Variants in RIMBP2 observed in about 807,000 individuals in gnomAD.
RIMBP2 encodes RIMS-binding protein 2.
In RIMBP2, 48 loss-of-function variants were observed where a neutral mutation model predicts 118.6. The ratio of observed to expected loss-of-function variants is 0.40; its 90% CI spans 0.32 to 0.51. RIMBP2 has a LOEUF of 0.51. Among genes scored for constraint, RIMBP2 ranks in the 20% least tolerant of loss-of-function variants. The pLI is 0.41. For synonymous variants in RIMBP2, 762 were observed against 742.9 expected (o/e 1.03, Z -0.42); for missense variants, 1,551 against 1,768.3 (o/e 0.88, Z 2.20).
chr12:130,697,669 G>A (rs1006941650), intron 1 of RIMBP2, among the ~76,000 whole-genome samples: 13 of 151,294 alleles, frequency 8.6e-5, no homozygotes, highest in Admixed American at 4.0e-4. Context: ...ACACAGAAGG[G>A]AAATTAGCCA....
chr12:130,536,427 AT>A, intron 2 of RIMBP2, among the ~76,000 whole-genome samples: 1 of 152,162 alleles, frequency 6.6e-6, no homozygotes. Flanking sequence ...GATTTTACAA[AT>A]CCCCCTCCGG....
At chr12:130,505,184 A>C (rs895512935) in intron 4 of RIMBP2, among the ~76,000 whole-genome samples, 1 of 152,174 alleles carries the variant, frequency 6.6e-6, no homozygotes, top group Non-Finnish European at 1.5e-5. Flanking sequence ...CACAGTGAGA[A>C]GCAGGATGGT....
At chr12:130,569,329 A>G (rs2057457981) in intron 2 of RIMBP2, among the ~76,000 whole-genome samples, 1 of 152,206 alleles carries the variant, frequency 6.6e-6, no homozygotes, top group African/African-American at 2.4e-5. Flanking sequence ...TAAAGAGCAA[A>G]GCGTCCCCCT....
At chr12:130,456,811 T>C in intron 6 of RIMBP2, 111 bp from the exon 7 acceptor site, 2 of 741,008 alleles carry the variant, frequency 2.7e-6, no homozygotes, top group Non-Finnish European at 2.2e-6. Flanking sequence ...TGTGCACGTG[T>C]GTACACACGT....
chr12:130,707,362 G>GGGGA (rs1326386067), intron 1 of RIMBP2, among the ~76,000 whole-genome samples: 3 of 152,182 alleles, frequency 2.0e-5, no homozygotes, highest in Non-Finnish European at 4.4e-5. Flanking sequence ...GTCCTCCCAT[G>GGGGA]GGGAGGGAGG....
intron 1 of RIMBP2, among the ~76,000 whole-genome samples, chr12:130,701,701 A>C (rs1444311713): frequency 1.3e-5 from 2 of 152,104 alleles, no homozygotes; most frequent in Non-Finnish European, 2.9e-5. Flanking sequence ...CCTGCTTGAC[A>C]GTGTGGGAAG....
chr12:130,484,334 G>A (rs60098512), intron 4 of RIMBP2, among the ~76,000 whole-genome samples: 15,720 of 152,184 alleles, frequency 0.1, 1,680 homozygotes, highest in African/African-American at 0.24. Context: ...ACCAGTGCCC[G>A]CCTCTGGACC....
chr12:130,439,685 T>A (rs1593302112), intron 11 of RIMBP2, among the ~76,000 whole-genome samples: 1 of 57,444 alleles, frequency 1.7e-5, no homozygotes. Flanking sequence ...GTGTATGTGT[T>A]TTTGTGTACG....
rs2076469721 is a variant in RIMBP2, at chr12:130,422,370, A to G, written c.3238+83T>C. ...TTGCTTAGCGGAAAATGCTACTCCT[A>G]AAGTTTTGTTCATGCTTAGATGGAG... On this transcript the variant is annotated intron_variant, in intron 17 of 22. Coordinates refer to ENST00000690449, the MANE Select transcript of RIMBP2 (RefSeq NM_001393629.1). The surrounding 1 kb of genome is among the most constrained non-coding windows in gnomAD (Gnocchi z 5.2). The G allele has an allele frequency of 2.2e-6, 2 of 911,884 alleles. No individual in the cohort carries two copies. The highest frequency in any genetic ancestry group is 3.4e-6 in the Non-Finnish European group (2 of 590,548). 56.5% of individuals were successfully genotyped at this position (911,884 alleles called of 1,614,324 possible).
At chr12:130,644,789 G>A (rs11836832) in intron 1 of RIMBP2, among the ~76,000 whole-genome samples, 32,304 of 152,174 alleles carry the variant, frequency 0.21, 3,856 homozygotes, top group African/African-American at 0.31. Context: ...ATCATCCTCC[G>A]GCCTGAGAAC....
At chr12:130,624,525 A>G (rs565999919) in intron 2 of RIMBP2, among the ~76,000 whole-genome samples, 5 of 152,178 alleles carry the variant, frequency 3.3e-5, no homozygotes, top group Non-Finnish European at 5.9e-5. Flanking sequence ...AATTCTGAAA[A>G]GAAACACCAA....
chr12:130,661,861 G>A (rs1293605900), intron 1 of RIMBP2, among the ~76,000 whole-genome samples: 2 of 152,074 alleles, frequency 1.3e-5, no homozygotes, highest in Admixed American at 6.6e-5. Flanking sequence ...CTCTGTTCCC[G>A]GTCACGACTG....
chr12:130,561,857 T>C (rs1489329226), intron 2 of RIMBP2, among the ~76,000 whole-genome samples: 1 of 152,190 alleles, frequency 6.6e-6, no homozygotes, highest in African/African-American at 2.4e-5. Context: ...TAGAATGAGA[T>C]CTTTTCATTC....
intron 1 of RIMBP2, among the ~76,000 whole-genome samples, chr12:130,635,367 A>C (rs915534461): frequency 1.3e-4 from 20 of 152,196 alleles, no homozygotes; most frequent in Non-Finnish European, 7.3e-5. Context: ...ACTTGTTGAG[A>C]TGCCAAATGA....
chr12:130,664,415 A>ACACGCACGCACACGCACGCACGCACG (rs1555320883), intron 1 of RIMBP2, among the ~76,000 whole-genome samples: 2 of 130,496 alleles, frequency 1.5e-5, no homozygotes, highest in African/African-American at 5.6e-5. Flanking sequence ...ACGCACGCAC[A>ACACGCACGCACACGCACGCACGCACG]CACACGCACA....
At chr12:130,616,362 A>G (rs756549420) in intron 2 of RIMBP2, among the ~76,000 whole-genome samples, 1 of 149,678 alleles carries the variant, frequency 6.7e-6, no homozygotes, top group Non-Finnish European at 1.5e-5. Flanking sequence ...TGCCTCCCCT[A>G]TTAGTCTCCT....
rs1266383047 is a variant in RIMBP2, at chr12:130,621,824, A to G, written c.-217+6498T>C. On this transcript the variant is annotated intron_variant, in intron 2 of 22. Coordinates refer to ENST00000690449, the MANE Select transcript of RIMBP2 (RefSeq NM_001393629.1). This position sits in a 1 kb window ranked among gnomAD's most constrained non-coding sequence, Gnocchi z 6.6. ...GTACTCTACCCTTTTACTGCCCTTGAAGGTAAACCTGGAGCCATCGCTGAA... is the reference window on the plus strand; with the variant it reads ...GTACTCTACCCTTTTACTGCCCTTGGAGGTAAACCTGGAGCCATCGCTGAA... Among the ~76,000 whole-genome samples the G allele has an allele frequency of 1.3e-5, 2 of 152,158 alleles. No individual in the cohort carries two copies. Among genetic ancestry groups the G allele is most frequent in the African/African-American group, 4.8e-5 (2 of 41,440 alleles).
chr12:130,482,660 C>G (rs1007499636), intron 4 of RIMBP2, among the ~76,000 whole-genome samples: 1 of 152,258 alleles, frequency 6.6e-6, no homozygotes, highest in African/African-American at 2.4e-5. Flanking sequence ...GCTACAGCAA[C>G]GCAAAACAAA....
intron 18 of RIMBP2, among the ~76,000 whole-genome samples, chr12:130,413,474 G>A (rs11060871): frequency 0.65 from 98,087 of 151,578 alleles, 32,093 homozygotes; most frequent in East Asian, 0.78. Context: ...TACTAAAAAT[G>A]CAAAAAAATT....
Sources: gnomAD v4.1 joint callset for allele counts (sites outside exome capture counted in the v4.1 genomes callset) on GRCh38, gnomAD v4.1.1 for gene constraint, Gnocchi (gnomAD v3.1) non-coding constraint, MANE v1.5 for transcripts, NCBI Gene and HGNC (gene_info 2026-07-23, HGNC 2026-07-21) for gene names.